The following ODF1 variants were observed in gnomAD, a reference collection of about 807,000 sequenced individuals.
The protein encoded by ODF1 is outer dense fiber of sperm tails 1, also known as outer dense fiber protein 1.
Under a neutral mutation model 24.0 loss-of-function variants are expected in ODF1, and 10 were observed. The observed-to-expected ratio is 0.42, with a 90% CI of 0.26 to 0.71. The LOEUF is 0.71. ODF1 is among the 30% of genes least tolerant of loss of function. The pLI is 0.28. For missense variants in ODF1, 282 were observed against 307.9 expected, an observed-to-expected ratio of 0.92 and a Z score of 0.63; for synonymous variants, 118 against 121.3, an observed-to-expected ratio of 0.97 and a Z score of 0.18.
At position 102,552,056 on chromosome 8, in the gene ODF1, A is replaced by G. The variant is rs1826048488; in HGVS notation, c.320+9A>G. 6.4e-7 allele frequency: 1 copy of G among 1,561,652 alleles called. No homozygotes were observed. Among genetic ancestry groups the G allele is most frequent in the East Asian group, 2.3e-5 (1 of 44,186 alleles). On this transcript the variant is annotated intron_variant, in intron 1 of 1. Coordinates refer to ENST00000285402, the MANE Select transcript of ODF1 (RefSeq NM_024410.4). ...AAGCGAGAGCTTGCCAAGTAAAATA[A>G]CTTATTTTTAAATTTTTATAGTCGG...
Position 102,560,481 on chromosome 8 carries a change from C to T in ODF1, c.350C>T (p.Ala117Val), listed in dbSNP as rs780995332. The change falls in exon 2 of 2, where the codon GCT (alanine) becomes GTT (valine). Residue 117 changes from alanine (A) to valine (V), a missense_variant. Physicochemically the swap from Ala to Val is moderately conservative, Grantham distance 64. Transcript: ENST00000285402. Reference protein sequence around the residue: ...KLRRTTNRILASSCCSSNILG... With the variant: ...KLRRTTNRILVSSCCSSNILG... Reference sequence around the variant, plus strand: ...AGAAGAACAACAAATAGAATTCTGGCTTCCTCCTGCTGTAGCAGTAACATT... The same window carrying T: ...AGAAGAACAACAAATAGAATTCTGGTTTCCTCCTGCTGTAGCAGTAACATT... 20 of 1,614,196 alleles carry T rather than the reference C, an allele frequency of 1.2e-5. No homozygotes were observed. Among genetic ancestry groups the T allele is most frequent in the Non-Finnish European group, 1.7e-5 (20 of 1,180,008 alleles).
At chr8:102,553,206 C>CAAA (rs71276450) in intron 1 of ODF1, among the ~76,000 whole-genome samples, 3 of 124,212 alleles carry the variant, frequency 2.4e-5, no homozygotes, top group African/African-American at 9.3e-5. Context: ...CTACTAAATA[C>CAAA]AAAAAAAAAA....
In ODF1 at chr8:102,551,612, G is replaced by T; in HGVS notation, c.-116G>T. On this transcript the variant is annotated 5_prime_UTR_variant, in exon 1 of 2. Coordinates refer to ENST00000285402, the MANE Select transcript of ODF1 (RefSeq NM_024410.4). ...ATAGAACACAAGCTTTAAAGTAAGT[G>T]AATCATGTGTGCCTCATTTATTTTT... 1.3e-6 allele frequency: 1 copy of T among 743,476 alleles called. No homozygotes were observed. The allele number at this position is 743,476 out of a possible 1,614,324, so 46.1% of individuals were successfully genotyped here.
chr8:102,559,060 AAAAG>A (rs1826147587), intron 1 of ODF1, among the ~76,000 whole-genome samples: 1 of 151,482 alleles, frequency 6.6e-6, no homozygotes, highest in Non-Finnish European at 1.5e-5. Flanking sequence ...AAAAAAAAAA[AAAAG>A]AAAAGACAAA....
chr8:102,552,061 T>C lies in ODF1; in HGVS notation c.320+14T>C. ...AGAGCTTGCCAAGTAAAATAACTTA[T>C]TTTTAAATTTTTATAGTCGGTATAT... On this transcript the variant is annotated intron_variant, in intron 1 of 1. Transcript: ENST00000285402. 1.9e-6 allele frequency: 3 copies of C among 1,551,298 alleles called. No homozygotes were observed. Among genetic ancestry groups the C allele is most frequent in the Non-Finnish European group, 2.6e-6 (3 of 1,146,102 alleles).
intron 1 of ODF1, among the ~76,000 whole-genome samples, chr8:102,553,950 G>A (rs572447022): frequency 2.6e-5 from 4 of 152,216 alleles, no homozygotes; most frequent in South Asian, 2.1e-4. Flanking sequence ...TCTGGATCTC[G>A]GAAATGATAA....
chr8:102,558,777 C>T (rs1392960232), intron 1 of ODF1, among the ~76,000 whole-genome samples: 3 of 150,986 alleles, frequency 2.0e-5, no homozygotes, highest in Admixed American at 6.6e-5. Context: ...GACACATACT[C>T]ACACACACAC....
rs149526871 is a variant in ODF1 at position 102,555,321 on chromosome 8, G to A, written c.320+3274G>A. 4.1e-4 allele frequency among the ~76,000 whole-genome samples: 62 copies of A among 152,286 alleles called. No homozygotes were observed. The East Asian group carries it at 0.012, about 29-fold the overall frequency. On this transcript the variant is annotated intron_variant, in intron 1 of 1. Transcript: ENST00000285402. ...GGCCCTCCTCAATCTTGCCCTAGGA[G>A]TTTATGATCTAATTCATGGGTGCCC... is the stretch of plus-strand genomic sequence containing the variant.
chr8:102,553,827 G>C (rs1268747218), intron 1 of ODF1, among the ~76,000 whole-genome samples: 2 of 152,214 alleles, frequency 1.3e-5, no homozygotes, highest in Non-Finnish European at 2.9e-5. Context: ...GTTTAGGCAA[G>C]AGGTAATGTT....
In ODF1 at chr8:102,560,812, C is replaced by A; in HGVS notation, c.681C>A (p.Cys227Ter). 6.5e-7 allele frequency: 1 copy of A among 1,550,326 alleles called. No individual in the cohort carries two copies. The highest frequency in any genetic ancestry group is 8.6e-7 in the Non-Finnish European group (1 of 1,164,310). Residue 227 changes from cysteine to a stop codon, truncating the protein, a stop_gained, in exon 2 of 2, where the codon TGC becomes TGA. Coordinates refer to ENST00000285402, the MANE Select transcript of ODF1 (RefSeq NM_024410.4). LOFTEE classifies it high-confidence loss of function. ...PCNPCSPCNP[C>*]SPYDPCNPCY... ...ACCCCTGCAGCCCCTGCAACCCGTG[C>A]AGCCCATATGATCCTTGCAACCCGT...
intron 1 of ODF1, among the ~76,000 whole-genome samples, chr8:102,554,070 C>G (rs529947151): frequency 6.6e-5 from 10 of 152,284 alleles, no homozygotes; most frequent in African/African-American, 1.9e-4. Flanking sequence ...ACATTTCACT[C>G]TCCAGAAGGG....
In ODF1 at chr8:102,560,889, C is replaced by A. The variant is rs1292416888; in HGVS notation, c.*5C>A. 4 of 1,596,242 alleles carry A rather than the reference C, an allele frequency of 2.5e-6. No homozygotes were observed. The highest frequency in any genetic ancestry group is 1.1e-5 in the South Asian group (1 of 88,562). ...TGTAGGAAGATGATTTTGTAAAGTG[C>A]GCATAGGAACCCATTACTTAATAGA... On this transcript the variant is annotated 3_prime_UTR_variant, in exon 2 of 2. Coordinates refer to ENST00000285402, the MANE Select transcript of ODF1 (RefSeq NM_024410.4).
intron 1 of ODF1, among the ~76,000 whole-genome samples, chr8:102,555,584 T>G (rs1279061395): frequency 1.3e-5 from 2 of 152,222 alleles, no homozygotes; most frequent in Admixed American, 1.3e-4. Context: ...GCTCTGAGGA[T>G]GAGGTTTTCA....
chr8:102,552,977 C>CAGATGAT (rs767153645), intron 1 of ODF1, among the ~76,000 whole-genome samples: 5 of 135,974 alleles, frequency 3.7e-5, no homozygotes, highest in African/African-American at 1.4e-4. Context: ...AGACAGATGA[C>CAGATGAT]AGATAGATAG....
At chr8:102,552,374 C>T (rs1165612786) in intron 1 of ODF1, among the ~76,000 whole-genome samples, 1 of 152,040 alleles carries the variant, frequency 6.6e-6, no homozygotes, top group Non-Finnish European at 1.5e-5. Context: ...GCAAACTAAA[C>T]ATTTTTCCTG....
At chr8:102,555,520 G>A (rs922534261) in intron 1 of ODF1, among the ~76,000 whole-genome samples, 4 of 152,226 alleles carry the variant, frequency 2.6e-5, no homozygotes, top group African/African-American at 9.6e-5. Flanking sequence ...CCACACCAGG[G>A]GCACTCTCAA....
chr8:102,557,443 T>C (rs184791011), intron 1 of ODF1, among the ~76,000 whole-genome samples: 24 of 152,336 alleles, frequency 1.6e-4, no homozygotes, highest in Non-Finnish European at 2.9e-4. Context: ...TTTGGGCAAC[T>C]TCCTGAAGAC....
At chr8:102,556,430 GTTGTTT>G (rs1563939444) in intron 1 of ODF1, among the ~76,000 whole-genome samples, 2 of 128,300 alleles carry the variant, frequency 1.6e-5, no homozygotes, top group Non-Finnish European at 3.5e-5. Context: ...TGTTGTTGTT[GTTGTTT>G]TGTTTTGTTT....
At chr8:102,558,889 A>G (rs1303371553) in intron 1 of ODF1, among the ~76,000 whole-genome samples, 1 of 151,560 alleles carries the variant, frequency 6.6e-6, no homozygotes, top group Non-Finnish European at 1.5e-5. Flanking sequence ...GTCTTCTACA[A>G]TGAACTTGTA....
Sources: allele counts gnomAD v4.1 joint callset (sites outside exome capture counted in the v4.1 genomes callset), GRCh38; gene constraint gnomAD v4.1.1; transcripts MANE v1.5; gene names NCBI Gene and HGNC (gene_info 2026-07-23, HGNC 2026-07-21).